RARB: variants seen among roughly 807,000 people sequenced by gnomAD.
RARB encodes HBV-activated protein.
In RARB, 17 loss-of-function variants were observed where a neutral mutation model predicts 51.9. The observed-to-expected ratio is 0.33, with a 90% confidence interval of 0.22 to 0.49. RARB has a LOEUF of 0.49. RARB is among the 20% of genes least tolerant of loss of function. The probability of loss-of-function intolerance (pLI) is 0.99; values close to 1 mark genes in which losing one functional copy is unlikely to be tolerated. For missense variants in RARB, 369 were observed against 550.8 expected (o/e 0.67, Z 3.30); for synonymous variants, 215 against 195.4 (o/e 1.10, Z -0.84).
chr3:25,117,484 G>T (rs535885858), intron 3 of RARB, among the ~76,000 whole-genome samples: 1 of 152,312 alleles, frequency 6.6e-6, no homozygotes, highest in South Asian at 2.1e-4. Flanking sequence ...GACATGTAAG[G>T]CCTGTGAGGA....
chr3:25,033,975 G>C (rs1419701188), intron 2 of RARB, among the ~76,000 whole-genome samples: 1 of 152,098 alleles, frequency 6.6e-6, no homozygotes, highest in African/African-American at 2.4e-5. Flanking sequence ...ACTAAAATCA[G>C]GTGACTGATT....
chr3:25,015,508 T>G (rs1014414533), intron 2 of RARB, among the ~76,000 whole-genome samples: 19 of 152,124 alleles, frequency 1.2e-4, no homozygotes, highest in African/African-American at 3.9e-4. Flanking sequence ...GATTTTAGTT[T>G]CCTGACCCAG....
intron 5 of RARB, among the ~76,000 whole-genome samples, chr3:25,311,001 A>G (rs1304758160): frequency 3.3e-5 from 5 of 152,230 alleles, no homozygotes; most frequent in South Asian, 2.1e-4. Context: ...TTCAAGTCCA[A>G]TGGAACAGAT....
intron 2 of RARB, among the ~76,000 whole-genome samples, chr3:25,050,898 T>C (rs951797592): frequency 2.0e-5 from 3 of 152,214 alleles, no homozygotes; most frequent in African/African-American, 7.2e-5. Context: ...GACCATCCAC[T>C]CCTCTTCAAC....
At chr3:24,948,337 C>T (rs1304428562) in intron 2 of RARB, among the ~76,000 whole-genome samples, 1 of 152,184 alleles carries the variant, frequency 6.6e-6, no homozygotes, top group Non-Finnish European at 1.5e-5. Context: ...GATTCAAGTT[C>T]TAGAACCTCC....
At chr3:25,372,895 A>G (rs374896464) in intron 5 of RARB, among the ~76,000 whole-genome samples, 36 of 152,328 alleles carry the variant, frequency 2.4e-4, no homozygotes, top group East Asian at 7.7e-4. Flanking sequence ...TAGATTTGCA[A>G]TATGCATTGT....
intron 2 of RARB, among the ~76,000 whole-genome samples, chr3:24,912,564 T>C (rs1342758896): frequency 6.6e-6 from 1 of 152,114 alleles, no homozygotes; most frequent in Non-Finnish European, 1.5e-5. Context: ...CAGTTCAGCT[T>C]AACATAGCCA....
chr3:25,396,560 A>G (rs532070638), intron 5 of RARB, among the ~76,000 whole-genome samples: 7 of 152,240 alleles, frequency 4.6e-5, no homozygotes, highest in Admixed American at 6.5e-5. Flanking sequence ...GGTTACCTGG[A>G]TAAGTATTCA....
chr3:25,541,451 A>C (rs114878641), intron 3 of RARB, among the ~76,000 whole-genome samples: 2,461 of 152,194 alleles, frequency 0.016, 35 homozygotes, highest in Non-Finnish European at 0.026. Flanking sequence ...CTACCTCTCC[A>C]GTGCTTGCAA....
At chr3:25,496,042 T>G (rs1039137692) in intron 2 of RARB, among the ~76,000 whole-genome samples, 1 of 152,204 alleles carries the variant, frequency 6.6e-6, no homozygotes, top group African/African-American at 2.4e-5. Flanking sequence ...GAAATCTGAT[T>G]GTTTAATTGC....
chr3:25,485,129 G>A (rs1696400607), intron 2 of RARB, among the ~76,000 whole-genome samples: 2 of 152,098 alleles, frequency 1.3e-5, no homozygotes, highest in African/African-American at 4.8e-5. Context: ...CATAAACTAA[G>A]CTGTGTTCCT....
chr3:25,290,816 C>T (rs1703767811), intron 5 of RARB, among the ~76,000 whole-genome samples: 1 of 152,106 alleles, frequency 6.6e-6, no homozygotes, highest in African/African-American at 2.4e-5. Flanking sequence ...TTGGCTTTTC[C>T]CTCTCTCTCC....
At chr3:25,357,694 T>G (rs1395072747) in intron 5 of RARB, among the ~76,000 whole-genome samples, 1 of 152,206 alleles carries the variant, frequency 6.6e-6, no homozygotes, top group Non-Finnish European at 1.5e-5. Flanking sequence ...TTGTATAAGG[T>G]GTAAGGAAGG....
chr3:25,090,976 G>T (rs192285810), intron 3 of RARB, among the ~76,000 whole-genome samples: 1 of 152,248 alleles, frequency 6.6e-6, no homozygotes, highest in East Asian at 1.9e-4. Flanking sequence ...TTCCAGAAAA[G>T]CTGAAGTAGG....
intron 4 of RARB, among the ~76,000 whole-genome samples, chr3:25,163,131 A>G (rs776567628): frequency 1.4e-4 from 21 of 152,224 alleles, no homozygotes; most frequent in Non-Finnish European, 2.8e-4. Flanking sequence ...ATGTCCTATT[A>G]TGTGTCAGGA....
intron 4 of RARB, among the ~76,000 whole-genome samples, chr3:25,138,444 G>C (rs531004684): frequency 1.3e-5 from 2 of 151,660 alleles, no homozygotes; most frequent in African/African-American, 4.8e-5. Context: ...GTTGTACCAA[G>C]GTATATAGAG....
intron 5 of RARB, among the ~76,000 whole-genome samples, chr3:25,199,680 G>T (rs1401216994): frequency 6.6e-6 from 1 of 152,108 alleles, no homozygotes; most frequent in African/African-American, 2.4e-5. Context: ...CCACCTATGA[G>T]TGAGAACATG....
rs142658742 is a variant in RARB at position 25,494,250 on chromosome 3, T to TACACACACACACACACACACACACACAC, written c.307-6930_307-6929insACACACACACACACACACACACACACAC. Reference sequence around the variant, plus strand: ...TTAGCCCCCTTTTCCAGCTGTATCTTACGCACACACACACACACACACACA... The same window carrying TACACACACACACACACACACACACACAC: ...TTAGCCCCCTTTTCCAGCTGTATCTTACACACACACACACACACACACACACACACGCACACACACACACACACACACA... On this transcript the variant is annotated intron_variant, in intron 2 of 7. Coordinates refer to ENST00000330688, the MANE Select transcript of RARB (RefSeq NM_000965.5). 1.4e-3 allele frequency among the ~76,000 whole-genome samples: 196 copies of TACACACACACACACACACACACACACAC among 137,152 alleles called. 1 individual carries two copies. Among genetic ancestry groups the TACACACACACACACACACACACACACAC allele is most frequent in the African/African-American group, 4.8e-3 (187 of 38,728 alleles). The allele number at this position is 137,152 out of a possible 152,430, so 90.0% of individuals were successfully genotyped here. A position where few individuals can be genotyped will look rare whatever the true frequency, so the allele number is the denominator to read the frequency against.
chr3:25,019,402 C>A (rs1425134245), intron 2 of RARB, among the ~76,000 whole-genome samples: 1 of 151,958 alleles, frequency 6.6e-6, no homozygotes, highest in Admixed American at 6.6e-5. Context: ...ATAAGCCATG[C>A]AATTGCTAGT....
Sources: allele counts gnomAD v4.1 joint callset (sites outside exome capture counted in the v4.1 genomes callset), GRCh38; gene constraint gnomAD v4.1.1; transcripts MANE v1.5; gene names NCBI Gene and HGNC (gene_info 2026-07-23, HGNC 2026-07-21).